PAK5: variants seen among roughly 807,000 people sequenced by gnomAD.
The protein encoded by PAK5 is p21 (RAC1) activated kinase 5, also known as serine/threonine-protein kinase PAK 5.
PAK5 carries 16 observed loss-of-function variants against 65.9 expected under a neutral mutation model. That is an observed-to-expected ratio of 0.24 (90% confidence interval 0.16 to 0.37). The LOEUF (loss-of-function observed/expected upper bound fraction) is 0.37, where lower values mean the gene tolerates loss of function less well. PAK5 is among the 10% of genes least tolerant of loss of function. PAK5 has a pLI of 1.00. For synonymous variants in PAK5, 371 were observed against 354.9 expected (o/e 1.05, Z -0.51); for missense variants, 785 against 903.9 (o/e 0.87, Z 1.69).
At chr20:9,582,580 C>T (rs1025558573) in intron 3 of PAK5, among the ~76,000 whole-genome samples, 1 of 152,186 alleles carries the variant, frequency 6.6e-6, no homozygotes, top group African/African-American at 2.4e-5. Flanking sequence ...CACAGTCACA[C>T]TCCCCTTCCC....
chr20:9,547,364 G>A (rs2045360776), intron 7 of PAK5, among the ~76,000 whole-genome samples: 1 of 152,144 alleles, frequency 6.6e-6, no homozygotes, highest in Non-Finnish European at 1.5e-5. Flanking sequence ...GCAGTCCTAG[G>A]AAATGAATAC....
At chr20:9,594,362 C>T (rs79266849) in intron 3 of PAK5, among the ~76,000 whole-genome samples, 3 of 152,214 alleles carry the variant, frequency 2.0e-5, no homozygotes, top group Non-Finnish European at 4.4e-5. Context: ...CTGCAGGTCA[C>T]ATTTGCAGGC....
intron 1 of PAK5, among the ~76,000 whole-genome samples, chr20:9,818,055 A>G (rs1350038502): frequency 1.3e-5 from 2 of 152,240 alleles, no homozygotes; most frequent in African/African-American, 4.8e-5. Flanking sequence ...AAAAGAAGAA[A>G]TGCAAATTCA....
chr20:9,564,912 A>G (rs907884114), intron 5 of PAK5, among the ~76,000 whole-genome samples: 2 of 151,764 alleles, frequency 1.3e-5, no homozygotes, highest in Non-Finnish European at 2.9e-5. Context: ...TAAGTAATGT[A>G]TGCTGATATA....
intron 1 of PAK5, among the ~76,000 whole-genome samples, chr20:9,825,684 A>T (rs1242832343): frequency 6.6e-6 from 1 of 152,214 alleles, no homozygotes. Flanking sequence ...TGTTTTTACC[A>T]AATATCTCTA....
intron 1 of PAK5, among the ~76,000 whole-genome samples, chr20:9,795,978 A>G (rs560622890): frequency 8.5e-5 from 13 of 152,232 alleles, no homozygotes; most frequent in African/African-American, 3.1e-4. Context: ...TTTCTTTACA[A>G]TGGATCGTCC....
At chr20:9,605,237 C>A (rs1202499700) in intron 3 of PAK5, among the ~76,000 whole-genome samples, 2 of 152,192 alleles carry the variant, frequency 1.3e-5, no homozygotes, top group African/African-American at 4.8e-5. Flanking sequence ...TGGGGGCATT[C>A]ATTGCCTGGC....
intron 2 of PAK5, among the ~76,000 whole-genome samples, chr20:9,648,963 C>T (rs1600195318): frequency 1.3e-5 from 2 of 152,224 alleles, no homozygotes; most frequent in Admixed American, 1.3e-4. Flanking sequence ...AAGAAAAGAT[C>T]CCTACTGCTC....
chr20:9,666,779 T>C (rs952530212), intron 2 of PAK5, among the ~76,000 whole-genome samples: 1 of 152,214 alleles, frequency 6.6e-6, no homozygotes, highest in Non-Finnish European at 1.5e-5. Context: ...GCTTGTCACA[T>C]TGATTTTTAG....
intron 1 of PAK5, among the ~76,000 whole-genome samples, chr20:9,726,232 C>T (rs187300429): frequency 4.6e-5 from 7 of 152,252 alleles, no homozygotes; most frequent in East Asian, 3.9e-4. Context: ...TTTGAATCCA[C>T]AGACACAGCT....
chr20:9,620,330 C>T (rs1435729710), intron 3 of PAK5, among the ~76,000 whole-genome samples: 1 of 152,218 alleles, frequency 6.6e-6, no homozygotes, highest in African/African-American at 2.4e-5. Flanking sequence ...TAAAAGGGAA[C>T]AATGAAAATT....
intron 7 of PAK5, among the ~76,000 whole-genome samples, chr20:9,545,976 A>T (rs2045338164): frequency 6.6e-6 from 1 of 152,182 alleles, no homozygotes; most frequent in Non-Finnish European, 1.5e-5. Context: ...TGCTTGGCCC[A>T]TGATAGGTTT....
intron 1 of PAK5, among the ~76,000 whole-genome samples, chr20:9,823,672 G>C (rs1169565964): frequency 6.6e-6 from 1 of 152,146 alleles, no homozygotes; most frequent in East Asian, 1.9e-4. Flanking sequence ...AAATTACCCA[G>C]TCTTGGGTAT....
intron 1 of PAK5, among the ~76,000 whole-genome samples, chr20:9,817,725 A>G (rs1178717040): frequency 6.6e-6 from 1 of 152,192 alleles, no homozygotes; most frequent in African/African-American, 2.4e-5. Flanking sequence ...AATTTTCACA[A>G]CTAGTGGTCT....
At chr20:9,580,081 C>T (rs1180694185) in intron 4 of PAK5, 64 bp downstream of exon 4, 8 of 1,353,502 alleles carry the variant, frequency 5.9e-6, no homozygotes, top group Middle Eastern at 2.0e-4. Context: ...ATAAAAAGGT[C>T]GTGCCAGCAC....
At chr20:9,675,280 A>G (rs2047554573) in intron 2 of PAK5, among the ~76,000 whole-genome samples, 1 of 152,200 alleles carries the variant, frequency 6.6e-6, no homozygotes, top group Admixed American at 6.5e-5. Context: ...GTCCAGCTGC[A>G]TACTGATAGA....
intron 3 of PAK5, among the ~76,000 whole-genome samples, chr20:9,581,150 C>G (rs1225794756): frequency 1.3e-5 from 2 of 152,106 alleles, no homozygotes; most frequent in Admixed American, 6.6e-5. Flanking sequence ...TTACCTATCT[C>G]AACAGAGACA....
At chr20:9,596,799 C>A (rs2046277888) in intron 3 of PAK5, among the ~76,000 whole-genome samples, 1 of 152,066 alleles carries the variant, frequency 6.6e-6, no homozygotes, top group Non-Finnish European at 1.5e-5. Context: ...CCAGGCAATT[C>A]CTAGTATTTG....
intron 1 of PAK5, among the ~76,000 whole-genome samples, chr20:9,718,821 T>C (rs1463392160): frequency 6.6e-6 from 1 of 152,220 alleles, no homozygotes; most frequent in Non-Finnish European, 1.5e-5. Context: ...CGGATAATTT[T>C]AACACTTTCA....
Sources: allele counts gnomAD v4.1 joint callset (sites outside exome capture counted in the v4.1 genomes callset), GRCh38; gene constraint gnomAD v4.1.1; transcripts MANE v1.5; gene names NCBI Gene and HGNC (gene_info 2026-07-23, HGNC 2026-07-21).